SHTN1: variants seen among roughly 807,000 people sequenced by gnomAD.
SHTN1 encodes the protein shootin 1, also known as shootin-1.
A neutral mutation model predicts 83.1 loss-of-function variants in SHTN1; 42 were observed. That is an observed-to-expected ratio of 0.51 (90% CI 0.39 to 0.65). SHTN1 has a LOEUF of 0.65. SHTN1 is among the 30% of genes least tolerant of loss of function. SHTN1 has a pLI of 0.00. For synonymous variants in SHTN1, 224 were observed against 247.7 expected (o/e 0.90, Z 0.90); for missense variants, 622 against 737.8 (o/e 0.84, Z 1.82).
intron 7 of SHTN1, among the ~76,000 whole-genome samples, chr10:116,947,885 C>T (rs1849646763): frequency 1.3e-5 from 2 of 152,112 alleles, no homozygotes; most frequent in Admixed American, 1.3e-4. Context: ...TACAGAAAGA[C>T]TTGGAGAAAT....
chr10:116,934,454 G>C (rs1467399527), intron 9 of SHTN1, among the ~76,000 whole-genome samples: 1 of 152,082 alleles, frequency 6.6e-6, no homozygotes, highest in Admixed American at 6.6e-5. Flanking sequence ...TTTTTGTCAG[G>C]TTTGTCAAAG....
At chr10:117,032,280 TG>T (rs1411745435) in intron 2 of SHTN1, among the ~76,000 whole-genome samples, 1 of 152,144 alleles carries the variant, frequency 6.6e-6, no homozygotes, top group African/African-American at 2.4e-5. Context: ...CTTGGCTCAC[TG>T]CAACCTCCGC....
intron 1 of SHTN1, among the ~76,000 whole-genome samples, chr10:117,120,832 CAG>C (rs896141912): frequency 1.4e-5 from 2 of 143,262 alleles, no homozygotes; most frequent in African/African-American, 2.6e-5. Flanking sequence ...TTTTTTGAGA[CAG>C]AGTCTTGCTC....
intron 5 of SHTN1, among the ~76,000 whole-genome samples, chr10:116,953,623 G>GTTTTTTTTTTTT (rs759706275): frequency 2.2e-4 from 20 of 92,726 alleles, no homozygotes; most frequent in East Asian, 1.1e-3. Context: ...TTTGTGTTTT[G>GTTTTTTTTTTTT]TTTTTTTTTT....
Position 116,975,018 on chromosome 10 carries a change from T to G in SHTN1, c.111+4238A>C, listed in dbSNP as rs138859466. Among the ~76,000 whole-genome samples the G allele has an allele frequency of 4.6e-4, 70 of 152,252 alleles. No individual in the cohort carries two copies. The East Asian group carries it at 0.011, about 23-fold the overall frequency. On this transcript the variant is annotated intron_variant, in intron 2 of 16. Transcript: ENST00000355371. The stretch of plus-strand genomic sequence containing the variant: ...TTTTTCTATACCCCAAAAATATAAA[T>G]TTGAAGAGTTGTTCACCTCAGTATG...
At position 116,929,839 on chromosome 10, in the gene SHTN1, A is replaced by G. The variant is rs1340258970; in HGVS notation, c.1012+10T>C. On this transcript the variant is annotated intron_variant, in intron 10 of 16. Coordinates refer to ENST00000355371, the MANE Select transcript of SHTN1 (RefSeq NM_001127211.3). ...ATAGTAAGACATAGTAGCCTACTCA[A>G]TGCTTTTACCAGAGTGCTTTAAATT... The G allele has an allele frequency of 6.3e-7, 1 of 1,589,110 alleles. No individual in the cohort carries two copies. The highest frequency in any genetic ancestry group is 1.8e-5 in the Admixed American group (1 of 55,290).
chr10:116,925,531 G>C (rs1185958543), intron 11 of SHTN1, among the ~76,000 whole-genome samples: 2 of 152,130 alleles, frequency 1.3e-5, no homozygotes, highest in Non-Finnish European at 2.9e-5. Flanking sequence ...TCACCCTACA[G>C]ATCTTGGGGT....
intron 1 of SHTN1, among the ~76,000 whole-genome samples, chr10:117,067,420 C>T (rs917843516): frequency 1.3e-5 from 2 of 152,074 alleles, no homozygotes; most frequent in Non-Finnish European, 2.9e-5. Context: ...GGGGAAACCC[C>T]GTCTCTACTA....
intron 2 of SHTN1, chr10:116,974,225 A>C: frequency 1.3e-6 from 1 of 754,002 alleles, no homozygotes; most frequent in Non-Finnish European, 1.6e-6. Flanking sequence ...TTCTAGATAG[A>C]TTGCTGTTAA....
chr10:117,091,886 T>C (rs921101560), intron 1 of SHTN1, among the ~76,000 whole-genome samples: 32 of 152,126 alleles, frequency 2.1e-4, no homozygotes, highest in African/African-American at 7.0e-4. Context: ...ATGGAAATGA[T>C]CTCTTTTCCA....
intron 1 of SHTN1, among the ~76,000 whole-genome samples, chr10:117,118,861 T>C (rs2133644803): frequency 6.6e-6 from 1 of 152,258 alleles, no homozygotes; most frequent in African/African-American, 2.4e-5. Flanking sequence ...CGATGATCAG[T>C]GCAGCAAACC....
At chr10:117,019,425 C>G (rs905262699) in intron 2 of SHTN1, among the ~76,000 whole-genome samples, 8 of 152,050 alleles carry the variant, frequency 5.3e-5, no homozygotes, top group African/African-American at 1.9e-4. Context: ...CTCAGGCAAT[C>G]CTCCTACTTT....
At chr10:117,068,046 T>C (rs905939554) in intron 1 of SHTN1, among the ~76,000 whole-genome samples, 4 of 152,028 alleles carry the variant, frequency 2.6e-5, no homozygotes, top group Non-Finnish European at 4.4e-5. Flanking sequence ...ATACTTGGGT[T>C]CAGAGCCCAA....
chr10:116,949,112 C>A, intron 6 of SHTN1, 115 bp from the exon 7 acceptor site: 1 of 1,198,624 alleles, frequency 8.3e-7, no homozygotes, highest in Non-Finnish European at 1.1e-6. Context: ...CAATTTAAAG[C>A]AGAAATTGGT....
chr10:117,060,643 A>T (rs994130416), intron 1 of SHTN1, among the ~76,000 whole-genome samples: 10 of 152,214 alleles, frequency 6.6e-5, no homozygotes, highest in Non-Finnish European at 1.5e-4. Context: ...CAAGAAAACA[A>T]ACCAGAAGTG....
intron 1 of SHTN1, among the ~76,000 whole-genome samples, chr10:117,053,483 T>C (rs1013195673): frequency 5.3e-5 from 8 of 152,240 alleles, no homozygotes; most frequent in East Asian, 1.9e-4. Flanking sequence ...AAAGATGATA[T>C]ACAAATGGCT....
chr10:116,972,369 G>A (rs909535102), intron 2 of SHTN1, among the ~76,000 whole-genome samples: 1 of 151,498 alleles, frequency 6.6e-6, no homozygotes, highest in Non-Finnish European at 1.5e-5. Flanking sequence ...GGGGTGGGGA[G>A]AGTCTACACA....
upstream of SHTN1, chr10:117,005,633 G>A (rs1271854191): frequency 1.3e-5 from 13 of 976,580 alleles, no homozygotes; most frequent in East Asian, 1.5e-3. Flanking sequence ...CTCTGGGGGC[G>A]CGGTTGCAAA....
rs543839838 is a variant in SHTN1, at chr10:117,012,961, G to C, written c.-122-33653C>G. On this transcript the variant is annotated intron_variant, in intron 2 of 17. Coordinates refer to the SHTN1 transcript ENST00000392901. Reference sequence around the variant, plus strand: ...AGAGCCAATGTAGTGGCTTGTGCCTGTAATTTCAGCTCTTCAGAAGGCTGA... The same window carrying C: ...AGAGCCAATGTAGTGGCTTGTGCCTCTAATTTCAGCTCTTCAGAAGGCTGA... Among the ~76,000 whole-genome samples, 365 of 152,134 alleles carry C rather than the reference G, an allele frequency of 2.4e-3. 2 individuals are homozygous for C. Among genetic ancestry groups the C allele is most frequent in the African/African-American group, 8.3e-3 (346 of 41,546 alleles).
Sources: gnomAD v4.1 joint callset for allele counts (sites outside exome capture counted in the v4.1 genomes callset) on GRCh38, gnomAD v4.1.1 for gene constraint, MANE v1.5 for transcripts, NCBI Gene and HGNC (gene_info 2026-07-23, HGNC 2026-07-21) for gene names.